Variants in SLC28A1 observed in about 807,000 individuals in gnomAD.
The protein encoded by SLC28A1 is solute carrier family 28 member 1.
A neutral mutation model predicts 74.8 loss-of-function variants in SLC28A1; 64 were observed. The observed-to-expected ratio is 0.86, with a 90% CI of 0.70 to 1.05. The LOEUF is 1.05. SLC28A1 is among the 50% of genes least tolerant of loss of function. SLC28A1 has a pLI of 0.00. For missense variants in SLC28A1, 828 were observed against 822.8 expected, an observed-to-expected ratio of 1.01 and a Z score of -0.08; for synonymous variants, 359 against 335.0, an observed-to-expected ratio of 1.07 and a Z score of -0.78.
intron 12 of SLC28A1, among the ~76,000 whole-genome samples, chr15:84,928,519 GTTCGTTCGTTCTTTCT>G (rs1970765137): frequency 1.2e-4 from 5 of 42,942 alleles, no homozygotes; most frequent in African/African-American, 5.3e-4. Flanking sequence ...AAGCTCCCAG[GTTCGTTCGTTCTTTCT>G]TTCTTTCTTT....
At chr15:84,913,992 A>G (rs2141863568) in intron 9 of SLC28A1, among the ~76,000 whole-genome samples, 1 of 152,230 alleles carries the variant, frequency 6.6e-6, no homozygotes, top group Middle Eastern at 3.4e-3. Flanking sequence ...TCTGTTGCCC[A>G]GGCTGGAGTG....
rs1567139521 is a variant in SLC28A1, at chr15:84,906,504, GTTTGTTT to G, written c.717+853_717+859del. Among the ~76,000 whole-genome samples, 55 of 10,656 alleles carry G rather than the reference GTTTGTTT, an allele frequency of 5.2e-3. 1 individual carries two copies. Among genetic ancestry groups the G allele is most frequent in the South Asian group, 0.015 (3 of 200 alleles). 7.0% of individuals were successfully genotyped at this position (10,656 alleles called of 152,430 possible). ...TGCCAAGCTAATTAAAACATGGTTTGTTTGTTTGTTTGTTTGTTTGTTTGTTTCTTTC... is the reference window on the plus strand; with the variant it reads ...TGCCAAGCTAATTAAAACATGGTTTGGTTTGTTTGTTTGTTTGTTTCTTTC... On this transcript the variant is annotated intron_variant, in intron 8 of 18. Transcript: ENST00000394573.
At chr15:84,959,446 CATTTTCTCT>C in the SLC28A1 span, among the ~76,000 whole-genome samples, 3 of 151,972 alleles carry the variant, frequency 2.0e-5, no homozygotes, top group Admixed American at 1.3e-4. Flanking sequence ...TTCTCTCTTT[CATTTTCTCT>C]ATTTTCTCTT....
intron 15 of SLC28A1, among the ~76,000 whole-genome samples, chr15:84,942,999 A>G (rs1040018732): frequency 4.6e-5 from 7 of 152,144 alleles, no homozygotes; most frequent in African/African-American, 1.7e-4. Context: ...AGCCTGCCCA[A>G]CATGGCGAAA....
chr15:84,895,654 G>T, intron 6 of SLC28A1: 1 of 1,425,942 alleles, frequency 7.0e-7, no homozygotes. Flanking sequence ...GGAGGTTGTG[G>T]AGGGAAAATT....
Position 84,944,745 on chromosome 15 carries a change from TC to T in SLC28A1, c.1763-8del. On this transcript the variant is annotated splice_polypyrimidine_tract_variant and intron_variant, in intron 17 of 18. Transcript: ENST00000394573. ...GGGGGCCCTGCCCCACCCACCACTT[TC>T]CCTCTACAGGGATCCTCTACATGCC... The T allele has an allele frequency of 1.2e-6, 2 of 1,611,338 alleles. No homozygotes were observed. The highest frequency in any genetic ancestry group is 1.7e-5 in the Admixed American group (1 of 60,014).
intron 1 of SLC28A1, 128 bp from the exon 2 acceptor site, chr15:84,886,544 G>C (rs1321994222): frequency 1.0e-6 from 1 of 985,510 alleles, no homozygotes; most frequent in Non-Finnish European, 1.2e-6. Flanking sequence ...GGTTGCAAGT[G>C]GGCCTGCTTC....
At chr15:84,954,593 G>C in the SLC28A1 span, among the ~76,000 whole-genome samples, 8 of 152,164 alleles carry the variant, frequency 5.3e-5, no homozygotes, top group Admixed American at 4.6e-4. Flanking sequence ...CTGAGACGTG[G>C]AGAAGTGAAG....
intron 5 of SLC28A1, among the ~76,000 whole-genome samples, chr15:84,892,358 C>T (rs1965460242): frequency 6.6e-6 from 1 of 152,068 alleles, no homozygotes; most frequent in Admixed American, 6.5e-5. Context: ...TGGGGTGGGT[C>T]CATGTCCCTC....
At chr15:84,962,194 C>A in the SLC28A1 span, among the ~76,000 whole-genome samples, 1 of 152,090 alleles carries the variant, frequency 6.6e-6, no homozygotes, top group African/African-American at 2.4e-5. Context: ...CCCGCCTAAG[C>A]CTCCAGAGTA....
At chr15:84,916,545 G>A (rs1346891339) in intron 9 of SLC28A1, among the ~76,000 whole-genome samples, 1 of 152,068 alleles carries the variant, frequency 6.6e-6, no homozygotes, top group African/African-American at 2.4e-5. Flanking sequence ...ACCATGCTGG[G>A]CCAACCTGTA....
chr15:84,918,522 A>C lies in SLC28A1; in HGVS notation c.796-2A>C. On this transcript the variant is annotated splice_acceptor_variant, in intron 9 of 18. Transcript: ENST00000394573. LOFTEE classifies it high-confidence loss of function. ...GCGGTCCTATGATCTCCTTCCCGGC[A>C]GGTTCTGCCCATCATTGTCTTTTTC... The C allele has an allele frequency of 6.2e-7, 1 of 1,613,298 alleles. No homozygotes were observed.
chr15:84,887,587 G>A, intron 2 of SLC28A1, 158 bp from the exon 3 acceptor site: 2 of 985,384 alleles, frequency 2.0e-6, no homozygotes, highest in Non-Finnish European at 2.4e-6. Context: ...ACAAGGAGGG[G>A]TGAGCTCTGG....
At chr15:84,921,295 G>A (rs370983281) in intron 11 of SLC28A1, among the ~76,000 whole-genome samples, 2 of 152,200 alleles carry the variant, frequency 1.3e-5, no homozygotes, top group South Asian at 2.1e-4. Flanking sequence ...AGCCCTAGGC[G>A]GTCTTCATCA....
chr15:84,906,720 G>T (rs1178423294), intron 8 of SLC28A1, among the ~76,000 whole-genome samples: 1 of 148,558 alleles, frequency 6.7e-6, no homozygotes, highest in Non-Finnish European at 1.5e-5. Flanking sequence ...CTGGGCTCAA[G>T]TGATCTCACC....
the SLC28A1 span, among the ~76,000 whole-genome samples, chr15:84,950,823 G>A: frequency 1.3e-5 from 2 of 152,166 alleles, no homozygotes; most frequent in Admixed American, 1.3e-4. Context: ...CCTTGGAAGA[G>A]GGTTCTGTTG....
At position 84,944,864 on chromosome 15, in the gene SLC28A1, A is replaced by C. The variant is rs1338605043; in HGVS notation, c.1871A>C (p.Gln624Pro). ...TACCAGTGCTGCCGTGAGGCCTTCC[A>C]GAGGTGAGGGCCTGGGCTGTGGGAC... ...EIYQCCREAFQSVNPEFSPEA... is the reference protein window; with the variant it reads ...EIYQCCREAFPSVNPEFSPEA... The change falls in exon 18 of 19, where the codon CAG (glutamine) becomes CCG (proline). Residue 624 changes from glutamine (Q) to proline (P), a missense_variant. Around this residue, in one of 3 missense-constraint regions of SLC28A1, gnomAD observed 53 missense variants for 44.5 expected, o/e 1.19. Transcript: ENST00000394573. 1.2e-6 allele frequency: 2 copies of C among 1,605,154 alleles called. No homozygotes were observed. The highest frequency in any genetic ancestry group is 1.7e-6 in the Non-Finnish European group (2 of 1,172,118).
At chr15:84,941,501 G>A (rs574908245) in intron 15 of SLC28A1, among the ~76,000 whole-genome samples, 273 of 152,022 alleles carry the variant, frequency 1.8e-3, no homozygotes, top group Non-Finnish European at 1.9e-3. Flanking sequence ...CACTGCACCC[G>A]GCCGGGATTT....
the SLC28A1 span, among the ~76,000 whole-genome samples, chr15:84,960,176 C>T: frequency 6.8e-6 from 1 of 147,398 alleles, no homozygotes; most frequent in African/African-American, 2.5e-5. Context: ...TAAACTCTCC[C>T]GTAATCTTTC....
Sources: allele counts gnomAD v4.1 joint callset (sites outside exome capture counted in the v4.1 genomes callset), GRCh38; gene constraint gnomAD v4.1.1; regional missense constraint gnomAD v4.1.1; transcripts MANE v1.5; gene names NCBI Gene and HGNC (gene_info 2026-07-23, HGNC 2026-07-21).